The following CHRND variants were observed in gnomAD, a reference collection of about 807,000 sequenced individuals.
The protein encoded by CHRND is cholinergic receptor nicotinic delta subunit.
A neutral mutation model predicts 57.8 loss-of-function variants in CHRND; 40 were observed. The observed-to-expected ratio is 0.69, with a 90% confidence interval of 0.54 to 0.90. The LOEUF is 0.90. CHRND is among the 40% of genes least tolerant of loss of function. The probability of loss-of-function intolerance (pLI) is 0.00; values close to 1 mark genes in which losing one functional copy is unlikely to be tolerated. For synonymous variants in CHRND, 237 were observed against 270.6 expected, an observed-to-expected ratio of 0.88 and a Z score of 1.22; for missense variants, 634 against 673.9, an observed-to-expected ratio of 0.94 and a Z score of 0.66.
At chr2:232,527,305 A>G (rs1691509432) in intron 2 of CHRND, 96 bp from the exon 3 acceptor site, 2 of 1,126,312 alleles carry the variant, frequency 1.8e-6, no homozygotes, top group African/African-American at 1.6e-5. Context: ...GACCCTGGAA[A>G]AAAAAAGAGA....
rs750275310 is a variant in CHRND, at chr2:232,534,266, T to G, written c.1295T>G (p.Phe432Cys). Reference protein sequence around the residue: ...ASSEQAQQELFNELKPAVDGA... With the variant: ...ASSEQAQQELCNELKPAVDGA... ...TCTGAGCAGGCCCAGCAGGAACTCTTCAATGAGCTGAAGCCAGCTGTGGAT... is the reference window on the plus strand; with the variant it reads ...TCTGAGCAGGCCCAGCAGGAACTCTGCAATGAGCTGAAGCCAGCTGTGGAT... Residue 432 changes from phenylalanine to cysteine, a missense_variant, in exon 11 of 12, where the codon TTC (phenylalanine) becomes TGC (cysteine). Transcript: ENST00000258385. 5.6e-6 allele frequency: 9 copies of G among 1,614,182 alleles called. No individual in the cohort carries two copies. The South Asian group carries it at 8.8e-5, about 16-fold the overall frequency.
intron 9 of CHRND, among the ~76,000 whole-genome samples, chr2:232,533,361 T>C (rs1691775313): frequency 1.3e-5 from 2 of 152,172 alleles, no homozygotes; most frequent in African/African-American, 4.8e-5. Context: ...TGGGGGAGAC[T>C]CTAGCATTTG....
chr2:232,527,817 T>G (rs889754066), intron 3 of CHRND, among the ~76,000 whole-genome samples: 1 of 152,200 alleles, frequency 6.6e-6, no homozygotes, highest in African/African-American at 2.4e-5. Context: ...TGCTTCTGCA[T>G]GGAGATCCCG....
At chr2:232,533,179 C>A (rs771405694) in intron 9 of CHRND, among the ~76,000 whole-genome samples, 51 of 152,292 alleles carry the variant, frequency 3.3e-4, no homozygotes, top group Middle Eastern at 3.4e-3. Context: ...CGCCACCATG[C>A]CTGGCTAATT....
Position 232,536,435 on chromosome 2 carries a change from T to C in CHRND, c.*1123T>C, listed in dbSNP as rs779554987. On this transcript the variant is annotated 3_prime_UTR_variant, in exon 12 of 12. Coordinates refer to ENST00000258385, the MANE Select transcript of CHRND (RefSeq NM_000751.3). ...CCAGCTGGCATGTTAAGGAGCCCTA[T>C]GGAGAGGCCCACATGGCAAGGAACT... 1.3e-5 allele frequency: 6 copies of C among 454,144 alleles called. No homozygotes were observed. The highest frequency in any genetic ancestry group is 7.8e-5 in the South Asian group (5 of 64,472). 28.1% of individuals were successfully genotyped at this position (454,144 alleles called of 1,614,324 possible). A position where few individuals can be genotyped will look rare whatever the true frequency, so the allele number is the denominator to read the frequency against.
chr2:232,526,751 C>G, intron 2 of CHRND, 77 bp downstream of exon 2: 2 of 1,518,718 alleles, frequency 1.3e-6, no homozygotes, highest in Non-Finnish European at 1.8e-6. Flanking sequence ...ATGGAGGAAG[C>G]TAGAAGCCCC....
chr2:232,534,851 C>A (rs1691828110), intron 11 of CHRND, among the ~76,000 whole-genome samples: 1 of 152,170 alleles, frequency 6.6e-6, no homozygotes, highest in African/African-American at 2.4e-5. Flanking sequence ...TAGGAGAGAC[C>A]CCTGGGCCTC....
chr2:232,528,851 G>A lies in CHRND; in HGVS notation c.510-11G>A. 6.2e-7 allele frequency: 1 copy of A among 1,611,018 alleles called. No homozygotes were observed. The highest frequency in any genetic ancestry group is 8.5e-7 in the Non-Finnish European group (1 of 1,177,324). ...GGCCGAGTGTCACTCTCTGCCCATT[G>A]CCCTCCCCAGTTCCCTCAAGTATAC... On this transcript the variant is annotated splice_polypyrimidine_tract_variant and intron_variant, in intron 5 of 11. Transcript: ENST00000258385.
Position 232,530,138 on chromosome 2 carries a change from CAG to C in CHRND, c.820_820+1del, listed in dbSNP as rs879255564. Reference sequence around the variant, plus strand: ...ACCTGGTCTTCTACCTACCGGCTGACAGTGAGCCTCCAGGCCCCGTCCCCTGC... The same window carrying C: ...ACCTGGTCTTCTACCTACCGGCTGACTGAGCCTCCAGGCCCCGTCCCCTGC... On this transcript the variant is annotated splice_donor_variant and coding_sequence_variant, in exon 7 of 12. Coordinates refer to ENST00000258385, the MANE Select transcript of CHRND (RefSeq NM_000751.3). LOFTEE classifies it high-confidence loss of function. 1.5e-5 allele frequency: 25 copies of C among 1,614,074 alleles called. No homozygotes were observed. The highest frequency in any genetic ancestry group is 2.2e-5 in the East Asian group (1 of 44,884).
chr2:232,531,721 G>A, intron 9 of CHRND, 65 bp downstream of exon 9: 1 of 1,391,592 alleles, frequency 7.2e-7, no homozygotes, highest in Non-Finnish European at 1.0e-6. Context: ...GGCTGAGGCG[G>A]GAGAATCTCT....
At position 232,531,577 on chromosome 2, in the gene CHRND, T is replaced by C; in HGVS notation, c.968T>C (p.Val323Ala). The change falls in exon 9 of 12, where the codon GTT becomes GCT. Residue 323 changes from valine to alanine, a missense_variant. Physicochemically the swap from Val to Ala is moderately conservative, Grantham distance 64. Coordinates refer to ENST00000258385, the MANE Select transcript of CHRND (RefSeq NM_000751.3). ...LLFGMVLVTM[V>A]VVICVIVLNI... ...TTCGGCATGGTGCTGGTCACCATGG[T>C]TGTGGTGATCTGTGTCATCGTGCTC... The C allele has an allele frequency of 1.9e-6, 3 of 1,614,044 alleles. No individual in the cohort carries two copies. The highest frequency in any genetic ancestry group is 2.5e-6 in the Non-Finnish European group (3 of 1,180,012).
rs780019150 is a variant in CHRND at position 232,527,388 on chromosome 2, C to T, written c.199-13C>T. ...ATATGGCCCTGAAGGATGGCCCTAC[C>T]GTCTAATTACAGAAAGAAGTTGAGG... On this transcript the variant is annotated splice_polypyrimidine_tract_variant and intron_variant, in intron 2 of 11. Transcript: ENST00000258385. 26 of 1,606,760 alleles carry T rather than the reference C, an allele frequency of 1.6e-5. No homozygotes were observed. The highest frequency in any genetic ancestry group is 3.3e-5 in the South Asian group (3 of 90,922).
rs1460835597 is a variant in CHRND at position 232,531,966 on chromosome 2, A to G, written c.1047+310A>G. Among the ~76,000 whole-genome samples, 8 of 149,558 alleles carry G rather than the reference A, an allele frequency of 5.3e-5. No individual in the cohort carries two copies. The East Asian group carries it at 5.9e-4, about 11-fold the overall frequency. ...TGTCTCAAAAAAAAAAAAAAAAAAA[A>G]AAAAAAAAGAAATGAGCACTCTCAA... On this transcript the variant is annotated intron_variant, in intron 9 of 11. Coordinates refer to ENST00000258385, the MANE Select transcript of CHRND (RefSeq NM_000751.3).
intron 5 of CHRND, 21 bp downstream of exon 5, chr2:232,528,677 ACC>A (rs754289359): frequency 1.9e-6 from 3 of 1,613,232 alleles, no homozygotes; most frequent in Non-Finnish European, 1.7e-6. Context: ...TTCTCCAGCC[ACC>A]CCTCACCCCA....
chr2:232,530,888 C>T (rs924236529), intron 7 of CHRND, among the ~76,000 whole-genome samples: 14 of 152,140 alleles, frequency 9.2e-5, no homozygotes, highest in African/African-American at 3.1e-4. Context: ...CAAGACAGCA[C>T]TGGGCTGGGG....
chr2:232,527,172 G>A (rs1002052746), intron 2 of CHRND, among the ~76,000 whole-genome samples: 6 of 152,112 alleles, frequency 3.9e-5, no homozygotes, highest in Non-Finnish European at 5.9e-5. Context: ...GATGGTGTGG[G>A]CCTATAATCC....
rs765715983 is a variant in CHRND, at chr2:232,535,588, T to A, written c.*276T>A. On this transcript the variant is annotated 3_prime_UTR_variant, in exon 12 of 12. Coordinates refer to ENST00000258385, the MANE Select transcript of CHRND (RefSeq NM_000751.3). The stretch of plus-strand genomic sequence containing the variant: ...GCTCAGGGGCCAGGGAGGAGGCCAC[T>A]CAGGGTGGCCTCAGGGGGAGAGCTC... 4.5e-5 allele frequency: 28 copies of A among 623,608 alleles called. No individual in the cohort carries two copies. Among genetic ancestry groups the A allele is most frequent in the South Asian group, 4.3e-4 (28 of 65,200 alleles). 38.6% of individuals were successfully genotyped at this position (623,608 alleles called of 1,614,324 possible).
chr2:232,527,604 T>G (rs1196928229), intron 3 of CHRND, among the ~76,000 whole-genome samples, 159 bp downstream of exon 3: 2 of 152,104 alleles, frequency 1.3e-5, no homozygotes, highest in East Asian at 3.9e-4. Flanking sequence ...ATTAGCTTGG[T>G]GTGGTGGTGG....
At chr2:232,528,822 C>T in intron 5 of CHRND, 40 bp from the exon 6 acceptor site, 1 of 1,588,204 alleles carries the variant, frequency 6.3e-7, no homozygotes, top group South Asian at 1.1e-5. Flanking sequence ...TGGCCCCAGC[C>T]ACTGGCCGAG....
Sources: gnomAD v4.1 joint callset for allele counts (sites outside exome capture counted in the v4.1 genomes callset) on GRCh38, gnomAD v4.1.1 for gene constraint, MANE v1.5 for transcripts, NCBI Gene and HGNC (gene_info 2026-07-23, HGNC 2026-07-21) for gene names.